SCNN1B: variants seen among roughly 807,000 people sequenced by gnomAD.
The protein encoded by SCNN1B is sodium channel epithelial 1 subunit beta, also known as epithelial sodium channel subunit beta.
In SCNN1B, 46 loss-of-function variants were observed where a neutral mutation model predicts 65.3. That is an observed-to-expected ratio of 0.70 (90% CI 0.56 to 0.90). The LOEUF (loss-of-function observed/expected upper bound fraction) is 0.90. SCNN1B is among the 40% of genes least tolerant of loss of function. The pLI is 0.00. For synonymous variants in SCNN1B, 349 were observed against 330.6 expected (o/e 1.06, Z -0.60); for missense variants, 751 against 830.5 (o/e 0.90, Z 1.18).
At chr16:23,303,356 G>A (rs905841486) in intron 1 of SCNN1B, among the ~76,000 whole-genome samples, 5 of 152,098 alleles carry the variant, frequency 3.3e-5, no homozygotes, top group African/African-American at 9.7e-5. Context: ...ACAAAGCCGG[G>A]TGGATGGGTC....
At chr16:23,360,886 C>A (rs1962539451) in intron 4 of SCNN1B, among the ~76,000 whole-genome samples, 1 of 152,094 alleles carries the variant, frequency 6.6e-6, no homozygotes, top group Non-Finnish European at 1.5e-5. Flanking sequence ...GCTCCGCCTC[C>A]CGGGTTCATA....
intron 1 of SCNN1B, among the ~76,000 whole-genome samples, chr16:23,325,149 C>T (rs914050674): frequency 9.2e-5 from 14 of 152,344 alleles, no homozygotes; most frequent in African/African-American, 3.4e-4. Flanking sequence ...CACTCCATCC[C>T]CAGCAGGACA....
chr16:23,315,482 A>G (rs147284553), intron 1 of SCNN1B, among the ~76,000 whole-genome samples: 6 of 152,256 alleles, frequency 3.9e-5, no homozygotes, highest in Admixed American at 6.5e-5. Flanking sequence ...AGCCCAGCTG[A>G]CCCAGCATGT....
At chr16:23,377,533 C>T (rs1962926766) in intron 10 of SCNN1B, 147 bp downstream of exon 10, 1 of 711,214 alleles carries the variant, frequency 1.4e-6, no homozygotes, top group Admixed American at 2.1e-5. Context: ...TTCCTTCCTT[C>T]TTTCTCTGCT....
At chr16:23,312,758 C>G (rs566017495) in intron 1 of SCNN1B, among the ~76,000 whole-genome samples, 1 of 152,110 alleles carries the variant, frequency 6.6e-6, no homozygotes, top group Non-Finnish European at 1.5e-5. Flanking sequence ...GAAGAGGAGC[C>G]TAGCTGGGCC....
intron 1 of SCNN1B, among the ~76,000 whole-genome samples, chr16:23,338,778 A>T (rs1459893931): frequency 1.3e-5 from 2 of 152,246 alleles, no homozygotes; most frequent in Admixed American, 6.5e-5. Context: ...CATCTTTCTG[A>T]CTTTTCAAAG....
chr16:23,334,023 A>G (rs544107751), intron 1 of SCNN1B, among the ~76,000 whole-genome samples: 1 of 152,204 alleles, frequency 6.6e-6, no homozygotes, highest in African/African-American at 2.4e-5. Context: ...TGCGATGTGG[A>G]TGGGAATTAC....
chr16:23,353,131 G>C, intron 3 of SCNN1B, 57 bp downstream of exon 3: 1 of 1,576,808 alleles, frequency 6.3e-7, no homozygotes, highest in Non-Finnish European at 8.7e-7. Context: ...AGGCTGATGG[G>C]TGTTTCTTTT....
intron 5 of SCNN1B, among the ~76,000 whole-genome samples, chr16:23,368,961 A>C (rs1370308911): frequency 6.6e-6 from 1 of 152,212 alleles, no homozygotes; most frequent in Non-Finnish European, 1.5e-5. Context: ...GATTCCAGTG[A>C]AGGTTACACT....
In SCNN1B at chr16:23,380,999, A is replaced by G. The variant is rs376085425; in HGVS notation, c.*198A>G. 1.2e-4 allele frequency: 82 copies of G among 664,392 alleles called. No individual in the cohort carries two copies. Among genetic ancestry groups the G allele is most frequent in the East Asian group, 1.2e-3 (45 of 38,214 alleles). The allele number at this position is 664,392 out of a possible 1,614,324, so 41.2% of individuals were successfully genotyped here. A position where few individuals can be genotyped will look rare whatever the true frequency, so the allele number is the denominator to read the frequency against. On this transcript the variant is annotated 3_prime_UTR_variant, in exon 13 of 13. Coordinates refer to ENST00000343070, the MANE Select transcript of SCNN1B (RefSeq NM_000336.3). The surrounding 1 kb of genome is among the most constrained non-coding windows in gnomAD (Gnocchi z 5.4). ...CTCTGTAGAATCACGGTGCTGGTAC[A>G]GGATGCAGGAATAAATTGTATCTTC...
At chr16:23,298,772 C>CT (rs1278504428), upstream of SCNN1B, among the ~76,000 whole-genome samples, 3 of 152,220 alleles carry the variant, frequency 2.0e-5, no homozygotes, top group Admixed American at 6.6e-5. Flanking sequence ...ACACAACACT[C>CT]TTTGTTCATA....
intron 4 of SCNN1B, among the ~76,000 whole-genome samples, chr16:23,360,475 G>A (rs1294771311): frequency 7.9e-5 from 12 of 152,068 alleles, no homozygotes; most frequent in Admixed American, 1.3e-4. Flanking sequence ...CTTGAGCCTC[G>A]GAGTTTGAGG....
chr16:23,375,874 G>T lies in SCNN1B; in HGVS notation c.1270+19G>T, dbSNP rs777158193. On this transcript the variant is annotated intron_variant, in intron 8 of 12. Transcript: ENST00000343070. ...GACTGGGGTGAGCGGGGGCACGGGG[G>T]ATCGGCACTCCAGCCATCTGGGGCC... 35 of 1,505,464 alleles carry T rather than the reference G, an allele frequency of 2.3e-5. No individual in the cohort carries two copies. The highest frequency in any genetic ancestry group is 3.1e-5 in the Non-Finnish European group (34 of 1,081,126). 93.3% of individuals were successfully genotyped at this position (1,505,464 alleles called of 1,614,324 possible). A position where few individuals can be genotyped will look rare whatever the true frequency, so the allele number is the denominator to read the frequency against.
intron 2 of SCNN1B, among the ~76,000 whole-genome samples, chr16:23,294,467 C>T (rs1960967723): frequency 7.3e-6 from 1 of 136,338 alleles, no homozygotes; most frequent in Admixed American, 7.5e-5. Flanking sequence ...TGTTCCCATC[C>T]CCCCATCACC....
chr16:23,380,627 G>A lies in SCNN1B; in HGVS notation c.1749G>A (p.Glu583=), dbSNP rs997611769. The change falls in exon 13 of 13, where the codon GAG becomes GAA. Residue 583 remains glutamate, a synonymous_variant. Coordinates refer to ENST00000343070, the MANE Select transcript of SCNN1B (RefSeq NM_000336.3). This position sits in a 1 kb window ranked among gnomAD's most constrained non-coding sequence, Gnocchi z 5.4. ...GPPPTVAELV[E]AHTNFGFQPD... is the part of the protein sequence containing the mutation. ...CGCCCACCGTGGCCGAGCTGGTGGAGGCCCACACCAACTTTGGCTTCCAGC... is the reference window on the plus strand; with the variant it reads ...CGCCCACCGTGGCCGAGCTGGTGGAAGCCCACACCAACTTTGGCTTCCAGC... 3 of 1,613,682 alleles carry A rather than the reference G, an allele frequency of 1.9e-6. No individual in the cohort carries two copies. The highest frequency in any genetic ancestry group is 1.3e-5 in the African/African-American group (1 of 75,052).
intron 2 of SCNN1B, 81 bp from the exon 3 acceptor site, chr16:23,352,720 T>A (rs756310975): frequency 1.8e-5 from 26 of 1,481,512 alleles, no homozygotes; most frequent in Non-Finnish European, 2.2e-5. Flanking sequence ...AACAGACTAC[T>A]ATGGAGTGGG....
chr16:23,305,526 T>C (rs1322951078), intron 1 of SCNN1B, among the ~76,000 whole-genome samples: 1 of 1,412 alleles, frequency 7.1e-4, no homozygotes, highest in Non-Finnish European at 1.4e-3. Context: ...CTCTACCAAA[T>C]ATATATATTA....
intron 1 of SCNN1B, among the ~76,000 whole-genome samples, chr16:23,281,099 T>C (rs9927879): frequency 0.16 from 23,892 of 152,226 alleles, 4,328 homozygotes; most frequent in African/African-American, 0.45. Flanking sequence ...TTTTCTCATC[T>C]GGAAAATGGG....
chr16:23,321,731 AAT>A (rs1350589995), intron 1 of SCNN1B, among the ~76,000 whole-genome samples: 1 of 152,154 alleles, frequency 6.6e-6, no homozygotes, highest in Non-Finnish European at 1.5e-5. Flanking sequence ...TCAGCGTAAT[AAT>A]AGATATTGGA....
Sources: allele counts gnomAD v4.1 joint callset (sites outside exome capture counted in the v4.1 genomes callset), GRCh38; gene constraint gnomAD v4.1.1; non-coding constraint Gnocchi (gnomAD v3.1); transcripts MANE v1.5; gene names NCBI Gene and HGNC (gene_info 2026-07-23, HGNC 2026-07-21).